CTNNA3: variants seen among roughly 807,000 people sequenced by gnomAD.
The protein encoded by CTNNA3 is catenin alpha-3.
CTNNA3 carries 76 observed loss-of-function variants against 95.7 expected under a neutral mutation model. The observed-to-expected ratio is 0.79, with a 90% CI of 0.66 to 0.96. The LOEUF (loss-of-function observed/expected upper bound fraction) is 0.96. CTNNA3 is among the 40% of genes least tolerant of loss of function. CTNNA3 has a pLI of 0.00. For missense variants in CTNNA3, 1,191 were observed against 1,089.8 expected (o/e 1.09, Z -1.31); for synonymous variants, 431 against 374.4 (o/e 1.15, Z -1.74).
At chr10:67,089,981 G>A (rs1179142965) in intron 7 of CTNNA3, among the ~76,000 whole-genome samples, 1 of 151,924 alleles carries the variant, frequency 6.6e-6, no homozygotes, top group Non-Finnish European at 1.5e-5. Flanking sequence ...AGTCTCATAT[G>A]AAACAAAATA....
intron 2 of CTNNA3, among the ~76,000 whole-genome samples, chr10:67,630,734 A>C (rs1839118437): frequency 6.6e-6 from 1 of 152,132 alleles, no homozygotes; most frequent in Admixed American, 6.6e-5. Context: ...TGTTCTTCTA[A>C]CTCTAGATTT....
chr10:66,337,886 C>T (rs1332688984), intron 12 of CTNNA3, among the ~76,000 whole-genome samples: 1 of 151,972 alleles, frequency 6.6e-6, no homozygotes, highest in African/African-American at 2.4e-5. Flanking sequence ...CATGACCCAG[C>T]AATTTCATTC....
At chr10:66,243,390 C>T (rs1193454416) in intron 13 of CTNNA3, among the ~76,000 whole-genome samples, 1 of 152,144 alleles carries the variant, frequency 6.6e-6, no homozygotes, top group East Asian at 1.9e-4. Context: ...AACATTTGCC[C>T]TCTATTCTAT....
intron 9 of CTNNA3, among the ~76,000 whole-genome samples, chr10:66,718,914 C>T (rs772254498): frequency 6.6e-6 from 1 of 152,132 alleles, no homozygotes; most frequent in Non-Finnish European, 1.5e-5. Context: ...TTTTGTGCAA[C>T]ACATTTACCA....
chr10:67,514,962 G>C (rs1028697464), intron 5 of CTNNA3, among the ~76,000 whole-genome samples: 1 of 152,044 alleles, frequency 6.6e-6, no homozygotes, highest in African/African-American at 2.4e-5. Context: ...AATAAACTGA[G>C]CCCCAGAGAC....
chr10:66,734,231 TTCTC>T (rs763710995), intron 9 of CTNNA3, among the ~76,000 whole-genome samples: 3 of 152,046 alleles, frequency 2.0e-5, no homozygotes, highest in Admixed American at 1.3e-4. Flanking sequence ...GTTAATTTTC[TTCTC>T]TCTCTTTTCT....
chr10:67,259,596 A>G (rs1470948712), intron 5 of CTNNA3, among the ~76,000 whole-genome samples: 2 of 152,186 alleles, frequency 1.3e-5, no homozygotes, highest in Non-Finnish European at 2.9e-5. Context: ...TATGCATGTG[A>G]GAGCACTTAC....
At chr10:67,367,674 G>A (rs78616584) in intron 5 of CTNNA3, among the ~76,000 whole-genome samples, 22 of 152,100 alleles carry the variant, frequency 1.4e-4, no homozygotes, top group African/African-American at 3.9e-4. Flanking sequence ...CTAGGTGCCC[G>A]TCAAAAGTGA....
intron 5 of CTNNA3, among the ~76,000 whole-genome samples, chr10:67,472,382 A>G (rs1046857153): frequency 6.6e-6 from 1 of 152,230 alleles, no homozygotes; most frequent in Non-Finnish European, 1.5e-5. Flanking sequence ...CATCACTGGT[A>G]AAACAAGAGA....
intron 11 of CTNNA3, among the ~76,000 whole-genome samples, chr10:66,504,914 T>C (rs1005491459): frequency 1.3e-5 from 2 of 152,196 alleles, no homozygotes; most frequent in African/African-American, 2.4e-5. Flanking sequence ...ACAGCCTTTG[T>C]CAGTACATAG....
Position 67,089,584 on chromosome 10 carries a change from C to T in CTNNA3, c.1047+90733G>A, listed in dbSNP as rs2131903778. On this transcript the variant is annotated intron_variant, in intron 7 of 17. Coordinates refer to ENST00000433211, the MANE Select transcript of CTNNA3 (RefSeq NM_013266.4). ...TTGAATCACTTCTCAGCAATATGGA[C>T]TCTTGCCAATAAATCTCAAAAACAA... Among the ~76,000 whole-genome samples, 3 of 152,016 alleles carry T rather than the reference C, an allele frequency of 2.0e-5. No individual in the cohort carries two copies. The South Asian group carries it at 6.2e-4, about 32-fold the overall frequency.
At chr10:67,456,299 T>C (rs1051837748) in intron 5 of CTNNA3, among the ~76,000 whole-genome samples, 12 of 152,176 alleles carry the variant, frequency 7.9e-5, no homozygotes, top group African/African-American at 2.9e-4. Flanking sequence ...ACCTGAATTA[T>C]ATGTTAGTCC....
intron 11 of CTNNA3, among the ~76,000 whole-genome samples, chr10:66,450,382 TTTG>T (rs2093455602): frequency 6.6e-6 from 1 of 152,064 alleles, no homozygotes; most frequent in South Asian, 2.1e-4. Context: ...TAAATATCAG[TTTG>T]TTGTTCTGTT....
chr10:66,204,267 T>C (rs2087617948), intron 13 of CTNNA3, among the ~76,000 whole-genome samples: 1 of 152,154 alleles, frequency 6.6e-6, no homozygotes, highest in Admixed American at 6.6e-5. Context: ...GTAGCTGACT[T>C]AACCAGTCAA....
intron 3 of CTNNA3, among the ~76,000 whole-genome samples, chr10:67,563,052 T>C (rs1467850443): frequency 6.6e-6 from 1 of 152,026 alleles, no homozygotes; most frequent in Non-Finnish European, 1.5e-5. Flanking sequence ...ATCATGAAAA[T>C]GGCCATACTG....
chr10:66,845,738 G>C (rs567293951), intron 7 of CTNNA3, among the ~76,000 whole-genome samples: 1 of 30,900 alleles, frequency 3.2e-5, no homozygotes, highest in East Asian at 3.8e-4. Context: ...AACTAAAAAG[G>C]TGAGATATAT....
intron 10 of CTNNA3, among the ~76,000 whole-genome samples, chr10:66,608,876 T>G (rs1443128261): frequency 1.3e-5 from 2 of 151,976 alleles, no homozygotes; most frequent in African/African-American, 2.4e-5. Flanking sequence ...GACACAGGAA[T>G]GGGCAAAGAT....
At chr10:67,638,102 C>A (rs1839388404) in intron 2 of CTNNA3, among the ~76,000 whole-genome samples, 1 of 152,156 alleles carries the variant, frequency 6.6e-6, no homozygotes, top group African/African-American at 2.4e-5. Context: ...CATCAGTGTG[C>A]TGCATTCAGG....
chr10:67,107,934 T>C (rs1858740289), intron 7 of CTNNA3, among the ~76,000 whole-genome samples: 1 of 152,188 alleles, frequency 6.6e-6, no homozygotes, highest in Admixed American at 6.5e-5. Context: ...TTGCGGAGAG[T>C]CCCTGTTTCC....
Sources: allele counts gnomAD v4.1 joint callset (sites outside exome capture counted in the v4.1 genomes callset), GRCh38; gene constraint gnomAD v4.1.1; transcripts MANE v1.5; gene names NCBI Gene and HGNC (gene_info 2026-07-23, HGNC 2026-07-21).